JAZF1: variants seen among roughly 807,000 people sequenced by gnomAD.
The protein encoded by JAZF1 is juxtaposed with another zinc finger protein 1.
In JAZF1, 8 loss-of-function variants were observed where a neutral mutation model predicts 26.4. That is an observed-to-expected ratio of 0.30 (90% confidence interval 0.18 to 0.55). The LOEUF (loss-of-function observed/expected upper bound fraction) is 0.55. Among genes scored for constraint, JAZF1 ranks in the 20% least tolerant of loss-of-function variants. JAZF1 has a pLI of 0.94. For synonymous variants in JAZF1, 126 were observed against 122.3 expected (o/e 1.03, Z -0.20); for missense variants, 199 against 322.0 (o/e 0.62, Z 2.92).
intron 2 of JAZF1, among the ~76,000 whole-genome samples, chr7:27,934,723 G>T (rs1784740649): frequency 6.6e-6 from 1 of 152,136 alleles, no homozygotes; most frequent in African/African-American, 2.4e-5. Flanking sequence ...AAATGTAAAT[G>T]TAAGAGCTAA....
At chr7:27,905,420 TTCA>T (rs1201811873) in intron 2 of JAZF1, among the ~76,000 whole-genome samples, 4 of 129,104 alleles carry the variant, frequency 3.1e-5, no homozygotes, top group African/African-American at 1.1e-4. Flanking sequence ...CTTCTAGATG[TTCA>T]TTTCTTTCTT....
intron 1 of JAZF1, among the ~76,000 whole-genome samples, chr7:28,147,274 C>T (rs1211938705): frequency 6.6e-6 from 1 of 151,996 alleles, no homozygotes; most frequent in African/African-American, 2.4e-5. Flanking sequence ...ATCAGCAACC[C>T]AAAAATACCC....
chr7:27,951,134 C>A (rs1785001798), intron 2 of JAZF1, among the ~76,000 whole-genome samples: 1 of 152,180 alleles, frequency 6.6e-6, no homozygotes, highest in Admixed American at 6.5e-5. Context: ...AGGCTTAGCT[C>A]AGTGCCTGGC....
At chr7:28,135,985 C>A (rs1380900597) in intron 1 of JAZF1, among the ~76,000 whole-genome samples, 1 of 152,164 alleles carries the variant, frequency 6.6e-6, no homozygotes, top group Non-Finnish European at 1.5e-5. Flanking sequence ...GCGGGGATTG[C>A]CAACTGTACA....
At chr7:28,147,634 G>T (rs1205694699) in intron 1 of JAZF1, among the ~76,000 whole-genome samples, 1 of 150,858 alleles carries the variant, frequency 6.6e-6, no homozygotes, top group Non-Finnish European at 1.5e-5. Context: ...GATAGCTTAA[G>T]CCCAGGAGCT....
Position 27,895,418 on chromosome 7 carries a change from T to C in JAZF1, c.189-2A>G. On this transcript the variant is annotated splice_acceptor_variant, in intron 2 of 4. Coordinates refer to ENST00000283928, the MANE Select transcript of JAZF1 (RefSeq NM_175061.4). LOFTEE classifies it high-confidence loss of function. ...CGGCGGGCAGCATCTGTCATGAATC[T>C]GAAACAATAATGGAAGGTAAGGAAC... The C allele has an allele frequency of 1.3e-6, 2 of 1,590,232 alleles. No individual in the cohort carries two copies. Among genetic ancestry groups the C allele is most frequent in the Non-Finnish European group, 1.7e-6 (2 of 1,167,948 alleles).
chr7:28,078,037 A>G (rs1329909690), intron 1 of JAZF1, among the ~76,000 whole-genome samples: 6 of 152,166 alleles, frequency 3.9e-5, no homozygotes, highest in Non-Finnish European at 7.3e-5. Context: ...GGCCTTTCCC[A>G]TCTTTATGGA....
At chr7:27,933,536 C>T (rs577610217) in intron 2 of JAZF1, among the ~76,000 whole-genome samples, 2 of 152,300 alleles carry the variant, frequency 1.3e-5, no homozygotes, top group African/African-American at 2.4e-5. Flanking sequence ...GGTTGTTTGG[C>T]TATAGATTTT....
chr7:27,861,611 T>C (rs896102786), intron 3 of JAZF1, among the ~76,000 whole-genome samples: 5 of 152,228 alleles, frequency 3.3e-5, no homozygotes, highest in Non-Finnish European at 5.9e-5. Context: ...TTGTTTTTAT[T>C]TTCTCCTGCC....
At chr7:27,959,979 G>A (rs1270682237) in intron 2 of JAZF1, among the ~76,000 whole-genome samples, 1 of 152,050 alleles carries the variant, frequency 6.6e-6, no homozygotes, top group African/African-American at 2.4e-5. Context: ...CCCTTTCACA[G>A]ATGATAAGGA....
At chr7:28,141,944 A>C (rs974884709) in intron 1 of JAZF1, among the ~76,000 whole-genome samples, 3 of 152,210 alleles carry the variant, frequency 2.0e-5, no homozygotes, top group Admixed American at 1.3e-4. Flanking sequence ...GTCAGAAAAA[A>C]GACTACAGTC....
chr7:28,129,714 C>T (rs1290531482), intron 1 of JAZF1, among the ~76,000 whole-genome samples: 1 of 151,928 alleles, frequency 6.6e-6, no homozygotes, highest in African/African-American at 2.4e-5. Flanking sequence ...AAAAGTTATA[C>T]ATGTTCATTA....
intron 3 of JAZF1, chr7:27,844,553 C>T (rs1183795765): frequency 6.6e-6 from 1 of 152,228 alleles, no homozygotes; most frequent in Non-Finnish European, 1.5e-5. Flanking sequence ...AAATCACGAG[C>T]ACTGCCCCGA....
chr7:27,935,049 T>C (rs181456417), intron 2 of JAZF1, among the ~76,000 whole-genome samples: 1 of 152,322 alleles, frequency 6.6e-6, no homozygotes, highest in East Asian at 1.9e-4. Flanking sequence ...AGGATTTGAA[T>C]AGTTATTTCT....
At chr7:28,133,955 C>T (rs1413162336) in intron 1 of JAZF1, among the ~76,000 whole-genome samples, 1 of 152,180 alleles carries the variant, frequency 6.6e-6, no homozygotes, top group Non-Finnish European at 1.5e-5. Context: ...TTACTATATG[C>T]TTATTTCCTT....
At chr7:28,035,313 CAAAAAAAAAAAAAA>C (rs201602870) in intron 1 of JAZF1, among the ~76,000 whole-genome samples, 1,163 of 27,490 alleles carry the variant, frequency 0.042, 31 homozygotes, top group Middle Eastern at 0.25. Flanking sequence ...GACTCCATCT[CAAAAAAAAAAAAAA>C]AAAAAAAAAA....
intron 1 of JAZF1, among the ~76,000 whole-genome samples, chr7:28,093,221 G>A (rs1347680911): frequency 6.6e-6 from 1 of 152,150 alleles, no homozygotes; most frequent in Non-Finnish European, 1.5e-5. Context: ...TTGTGGGAGG[G>A]ACCAGGTGGG....
At chr7:27,912,690 T>C (rs572651237) in intron 2 of JAZF1, among the ~76,000 whole-genome samples, 4 of 152,184 alleles carry the variant, frequency 2.6e-5, no homozygotes, top group South Asian at 2.1e-4. Flanking sequence ...TCCAACTTTT[T>C]CCCCCCTATA....
intron 3 of JAZF1, 106 bp downstream of exon 3, chr7:27,895,114 C>G: frequency 1.8e-6 from 1 of 564,818 alleles, no homozygotes; most frequent in Non-Finnish European, 2.9e-6. Flanking sequence ...TGTGGTGGGT[C>G]TGTGTCGTCA....
Sources: allele counts gnomAD v4.1 joint callset (sites outside exome capture counted in the v4.1 genomes callset), GRCh38; gene constraint gnomAD v4.1.1; transcripts MANE v1.5; gene names NCBI Gene and HGNC (gene_info 2026-07-23, HGNC 2026-07-21).